The following PIP5K1A variants were observed in gnomAD, a reference collection of about 807,000 sequenced individuals.
PIP5K1A encodes phosphatidylinositol-4-phosphate 5-kinase type 1 alpha.
PIP5K1A carries 46 observed loss-of-function variants against 72.9 expected under a neutral mutation model. That is an observed-to-expected ratio of 0.63 (90% CI 0.50 to 0.81). The LOEUF is 0.81. PIP5K1A is among the 30% of genes least tolerant of loss of function. PIP5K1A has a pLI of 0.00. For synonymous variants in PIP5K1A, 228 were observed against 255.1 expected, an observed-to-expected ratio of 0.89 and a Z score of 1.01; for missense variants, 458 against 706.1, an observed-to-expected ratio of 0.65 and a Z score of 3.98.
intron 1 of PIP5K1A, among the ~76,000 whole-genome samples, chr1:151,213,099 A>G (rs949793484): frequency 2.6e-5 from 4 of 151,844 alleles, no homozygotes; most frequent in Non-Finnish European, 2.9e-5. Flanking sequence ...TCACTGTGTT[A>G]GCCAGGATGG....
chr1:151,209,676 T>C (rs1686504009), intron 1 of PIP5K1A, among the ~76,000 whole-genome samples: 1 of 151,772 alleles, frequency 6.6e-6, no homozygotes, highest in African/African-American at 2.4e-5. Flanking sequence ...TGACCTCAGG[T>C]GATCCGCCCA....
rs746629351 is a variant in PIP5K1A at position 151,236,769 on chromosome 1, TGGGCTCA to T, written c.1145+11_1145+17del. Reference sequence around the variant, plus strand: ...ACCATGGAGACTGATGACCAGTAAGTGGGCTCAGGGCCACTAGGGGGGAGAACATAGG... The same window carrying T: ...ACCATGGAGACTGATGACCAGTAAGTGGGCCACTAGGGGGGAGAACATAGG... On this transcript the variant is annotated splice_region_variant and intron_variant, in intron 9 of 15. Transcript: ENST00000368888. 5 of 1,597,578 alleles carry T rather than the reference TGGGCTCA, an allele frequency of 3.1e-6. No individual in the cohort carries two copies. Among genetic ancestry groups the T allele is most frequent in the Non-Finnish European group, 4.3e-6 (5 of 1,169,266 alleles).
chr1:151,227,426 C>G (rs1689316671), intron 4 of PIP5K1A, 26 bp downstream of exon 4: 2 of 1,490,712 alleles, frequency 1.3e-6, no homozygotes, highest in Non-Finnish European at 1.9e-6. Flanking sequence ...ACCGTCTCAT[C>G]TTACTCCAGG....
chr1:151,231,925 T>C, intron 5 of PIP5K1A, 124 bp downstream of exon 5: 1 of 883,518 alleles, frequency 1.1e-6, no homozygotes, highest in Non-Finnish European at 1.8e-6. Context: ...CTGGTTACAA[T>C]CAGGGCGATG....
upstream of PIP5K1A, among the ~76,000 whole-genome samples, chr1:151,197,386 C>T (rs1452066038): frequency 6.6e-6 from 1 of 152,092 alleles, no homozygotes. Context: ...TCATGCCATT[C>T]TCCTGCCCCA....
intron 8 of PIP5K1A, among the ~76,000 whole-genome samples, chr1:151,235,044 T>C (rs1049707095): frequency 6.6e-6 from 1 of 152,250 alleles, no homozygotes; most frequent in Admixed American, 6.5e-5. Flanking sequence ...CCTCTCATGC[T>C]GCCCCTGTCA....
chr1:151,208,503 GGC>G (rs1686285693), intron 1 of PIP5K1A, among the ~76,000 whole-genome samples: 1 of 151,298 alleles, frequency 6.6e-6, no homozygotes. Context: ...TGGGATTACA[GGC>G]GCACACCACC....
chr1:151,215,071 C>A (rs1687386145), intron 1 of PIP5K1A, among the ~76,000 whole-genome samples: 1 of 142,404 alleles, frequency 7.0e-6, no homozygotes, highest in African/African-American at 2.6e-5. Context: ...GCTCTCGTTG[C>A]CCAGGCTGGA....
At chr1:151,214,458 G>A (rs1056275108) in intron 1 of PIP5K1A, among the ~76,000 whole-genome samples, 4 of 151,832 alleles carry the variant, frequency 2.6e-5, no homozygotes, top group Admixed American at 2.6e-4. Context: ...TCGGCTCACT[G>A]CTGCCTCTGC....
chr1:151,205,802 A>G (rs1374842852), intron 1 of PIP5K1A, among the ~76,000 whole-genome samples: 2 of 152,120 alleles, frequency 1.3e-5, no homozygotes, highest in Non-Finnish European at 2.9e-5. Flanking sequence ...CGTCTCAAAA[A>G]AAAGAAAAGG....
intron 1 of PIP5K1A, among the ~76,000 whole-genome samples, chr1:151,207,361 G>A (rs1252744827): frequency 6.6e-6 from 1 of 152,080 alleles, no homozygotes; most frequent in African/African-American, 2.4e-5. Flanking sequence ...GAACGTTTTT[G>A]TGCCAAGGGA....
Position 151,234,310 on chromosome 1 carries a change from G to A in PIP5K1A, c.753G>A (p.Ser251=), listed in dbSNP as rs1690545790. ...TGATGAACAATCTTTTACCAAGATC[G>A]GTAAAAATGCATATCAAATATGACC... ...IVVMNNLLPR[S]VKMHIKYDLK... is the part of the protein sequence containing the mutation. Residue 251 remains serine, a synonymous_variant, in exon 8 of 16, where the codon TCG becomes TCA. Transcript: ENST00000368888. The A allele has an allele frequency of 4.3e-6, 7 of 1,613,694 alleles. No homozygotes were observed. The highest frequency in any genetic ancestry group is 1.7e-5 in the Admixed American group (1 of 59,954).
chr1:151,227,854 G>T (rs1473493217), intron 4 of PIP5K1A, among the ~76,000 whole-genome samples: 1 of 152,108 alleles, frequency 6.6e-6, no homozygotes, highest in African/African-American at 2.4e-5. Flanking sequence ...CCACTTGGTG[G>T]CACTAGCCTT....
chr1:151,213,812 CAAAG>C (rs1303975695), intron 1 of PIP5K1A, among the ~76,000 whole-genome samples: 3 of 151,728 alleles, frequency 2.0e-5, no homozygotes, highest in African/African-American at 7.3e-5. Flanking sequence ...GGTTATTAAG[CAAAG>C]AAAATGACAG....
chr1:151,244,429 A>G (rs1446003082), intron 14 of PIP5K1A, among the ~76,000 whole-genome samples: 8 of 152,194 alleles, frequency 5.3e-5, no homozygotes, highest in Non-Finnish European at 1.2e-4. Context: ...AGAGGCGGCC[A>G]GATTACTTGA....
intron 3 of PIP5K1A, 48 bp from the exon 4 acceptor site, chr1:151,227,272 T>C: frequency 9.3e-7 from 1 of 1,079,422 alleles, no homozygotes; most frequent in Non-Finnish European, 1.4e-6. Flanking sequence ...TGGTAGCTAT[T>C]TGGTGTCTTA....
intron 1 of PIP5K1A, among the ~76,000 whole-genome samples, chr1:151,216,495 T>TA (rs1304111118): frequency 6.6e-6 from 1 of 152,164 alleles, no homozygotes; most frequent in Non-Finnish European, 1.5e-5. Context: ...TACCCTAACA[T>TA]AGAAGTATCT....
chr1:151,222,512 ATTAC>A (rs1374918908), intron 1 of PIP5K1A, among the ~76,000 whole-genome samples: 1 of 152,202 alleles, frequency 6.6e-6, no homozygotes, highest in Non-Finnish European at 1.5e-5. Flanking sequence ...CTGCATTGAA[ATTAC>A]TTACCTGCTT....
At chr1:151,209,086 T>C (rs1283624301) in intron 1 of PIP5K1A, among the ~76,000 whole-genome samples, 1 of 151,330 alleles carries the variant, frequency 6.6e-6, no homozygotes, top group Non-Finnish European at 1.5e-5. Context: ...GCAGTACTTC[T>C]CAGGAGGCAG....
Sources: allele counts gnomAD v4.1 joint callset (sites outside exome capture counted in the v4.1 genomes callset), GRCh38; gene constraint gnomAD v4.1.1; transcripts MANE v1.5; gene names NCBI Gene and HGNC (gene_info 2026-07-23, HGNC 2026-07-21).